The following VPS33B variants were observed in gnomAD, a reference collection of about 807,000 sequenced individuals.
VPS33B encodes vacuolar protein sorting-associated protein 33B.
A neutral mutation model predicts 95.3 loss-of-function variants in VPS33B; 80 were observed. That is an observed-to-expected ratio of 0.84 (90% CI 0.70 to 1.01). The LOEUF (loss-of-function observed/expected upper bound fraction) is 1.01. Among genes scored for constraint, VPS33B ranks in the 50% least tolerant of loss-of-function variants. The pLI is 0.00. For synonymous variants in VPS33B, 280 were observed against 280.4 expected, an observed-to-expected ratio of 1.00 and a Z score of 0.01; for missense variants, 715 against 773.4, an observed-to-expected ratio of 0.92 and a Z score of 0.90.
intron 1 of VPS33B, among the ~76,000 whole-genome samples, chr15:91,020,880 C>CA (rs1219287814): frequency 6.6e-6 from 1 of 151,930 alleles, no homozygotes; most frequent in African/African-American, 2.4e-5. Flanking sequence ...GACTGTGTCT[C>CA]AAAAAAATAA....
Position 91,006,199 on chromosome 15 carries a change from A to G in VPS33B, c.853-140T>C. The G allele has an allele frequency of 7.6e-7, 1 of 1,320,406 alleles. No homozygotes were observed. Among genetic ancestry groups the G allele is most frequent in the Non-Finnish European group, 1.1e-6 (1 of 925,484 alleles). 81.8% of individuals were successfully genotyped at this position (1,320,406 alleles called of 1,614,324 possible). On this transcript the variant is annotated intron_variant, in intron 11 of 22. Transcript: ENST00000333371. This position sits in a 1 kb window ranked among gnomAD's most constrained non-coding sequence, Gnocchi z 5.4. ...GCTGGGATCTGTAAGTCCATATCAA[A>G]TGCCTACACCGTGTTCTAGGAGATG...
chr15:91,005,987 G>T lies in VPS33B; in HGVS notation c.925C>A (p.Gln309Lys). 1.2e-6 allele frequency: 2 copies of T among 1,614,130 alleles called. No individual in the cohort carries two copies. The highest frequency in any genetic ancestry group is 1.7e-6 in the Non-Finnish European group (2 of 1,180,012). Residue 309 changes from glutamine to lysine, a missense_variant, in exon 12 of 23, where the codon CAG becomes AAG. By Grantham distance (53) the Gln-to-Lys change is moderately conservative. Transcript: ENST00000333371. This position sits in a 1 kb window ranked among gnomAD's most constrained non-coding sequence, Gnocchi z 6.4. Reference protein sequence around the residue: ...GFLSQKARNLQAQYDRRRGMD... With the variant: ...GFLSQKARNLKAQYDRRRGMD... ...TGGAGCCTCACATCATACTGGGCCT[G>T]CAAGTTCCGGGCCTTCTGGCTCAAG...
Position 90,998,934 on chromosome 15 carries a change from A to C in VPS33B, c.*41T>G. 6.2e-7 allele frequency: 1 copy of C among 1,609,156 alleles called. No homozygotes were observed. The highest frequency in any genetic ancestry group is 8.5e-7 in the Non-Finnish European group (1 of 1,176,878). Reference sequence around the variant, plus strand: ...GCCAGATGCCTGCATCTCACTGAGGAATGTGTTCAGGGAAGATGTCAACAC... The same window carrying C: ...GCCAGATGCCTGCATCTCACTGAGGCATGTGTTCAGGGAAGATGTCAACAC... On this transcript the variant is annotated 3_prime_UTR_variant, in exon 23 of 23. Coordinates refer to ENST00000333371, the MANE Select transcript of VPS33B (RefSeq NM_018668.5). This position sits in a 1 kb window ranked among gnomAD's most constrained non-coding sequence, Gnocchi z 4.8.
chr15:91,009,958 A>C lies in VPS33B; in HGVS notation c.358-112T>G. ...GACAATAATTGCCGAACCCAGTGAA[A>C]GACAAGAGAACCCAGACTCTTAAGA... On this transcript the variant is annotated intron_variant, in intron 5 of 22. Transcript: ENST00000333371. The surrounding 1 kb of genome is among the most constrained non-coding windows in gnomAD (Gnocchi z 4.1). 4.1e-6 allele frequency: 5 copies of C among 1,208,862 alleles called. No homozygotes were observed. The highest frequency in any genetic ancestry group is 2.5e-5 in the East Asian group (1 of 40,792). The allele number at this position is 1,208,862 out of a possible 1,614,324, so 74.9% of individuals were successfully genotyped here. A position where few individuals can be genotyped will look rare whatever the true frequency, so the allele number is the denominator to read the frequency against.
At position 91,013,721 on chromosome 15, in the gene VPS33B, A is replaced by C; in HGVS notation, c.357+83T>G. The C allele has an allele frequency of 1.4e-6, 2 of 1,388,376 alleles. No homozygotes were observed. The highest frequency in any genetic ancestry group is 2.0e-6 in the Non-Finnish European group (2 of 975,984). The allele number at this position is 1,388,376 out of a possible 1,614,324, so 86.0% of individuals were successfully genotyped here. A position where few individuals can be genotyped will look rare whatever the true frequency, so the allele number is the denominator to read the frequency against. ...CAACAGAAAACGAACGGAGACAGGG[A>C]GGTAGTGCTGTTGGCCCCTTACCCC... On this transcript the variant is annotated intron_variant, in intron 5 of 22. Transcript: ENST00000333371. The surrounding 1 kb of genome is among the most constrained non-coding windows in gnomAD (Gnocchi z 4.5).
At chr15:91,017,349 T>C (rs1596370277) in intron 2 of VPS33B, among the ~76,000 whole-genome samples, 2 of 75,034 alleles carry the variant, frequency 2.7e-5, no homozygotes, top group East Asian at 4.4e-4. Context: ...ATAACAAGAC[T>C]CCATCTCTAC....
At position 91,022,502 on chromosome 15, in the gene VPS33B, T is replaced by C. The variant is rs1330279868; in HGVS notation, c.-253A>G. The C allele has an allele frequency of 1.6e-5, 6 of 386,064 alleles. No individual in the cohort carries two copies. Among genetic ancestry groups the C allele is most frequent in the Admixed American group, 4.1e-5 (1 of 24,112 alleles). The allele number at this position is 386,064 out of a possible 1,614,324, so 23.9% of individuals were successfully genotyped here. A position where few individuals can be genotyped will look rare whatever the true frequency, so the allele number is the denominator to read the frequency against. ...TCTCGACCCTCCCTCCCTGATCCAC[T>C]CTGCCCGTCAGCAGGATTCCGGTCT... On this transcript the variant is annotated 5_prime_UTR_variant, in exon 1 of 23. Coordinates refer to ENST00000333371, the MANE Select transcript of VPS33B (RefSeq NM_018668.5).
Position 91,007,142 on chromosome 15 carries a change from TG to T in VPS33B, c.604-97del. On this transcript the variant is annotated intron_variant, in intron 8 of 22. Coordinates refer to ENST00000333371, the MANE Select transcript of VPS33B (RefSeq NM_018668.5). The surrounding 1 kb of genome is among the most constrained non-coding windows in gnomAD (Gnocchi z 5.3). ...GCCCTTTCCACGTGATACTTCCTCTTGTCCCCGAGACAGGAGCTAATTATTC... is the reference window on the plus strand; with the variant it reads ...GCCCTTTCCACGTGATACTTCCTCTTTCCCCGAGACAGGAGCTAATTATTC... 1 of 1,335,350 alleles carries T rather than the reference TG, an allele frequency of 7.5e-7. No individual in the cohort carries two copies. The highest frequency in any genetic ancestry group is 1.1e-6 in the Non-Finnish European group (1 of 941,016). 82.7% of individuals were successfully genotyped at this position (1,335,350 alleles called of 1,614,324 possible). A position where few individuals can be genotyped will look rare whatever the true frequency, so the allele number is the denominator to read the frequency against.
Position 91,011,206 on chromosome 15 carries a change from G to A in VPS33B, c.358-1360C>T, listed in dbSNP as rs1187253418. 6.6e-6 allele frequency among the ~76,000 whole-genome samples: 1 copy of A among 152,190 alleles called. No individual in the cohort carries two copies. Among genetic ancestry groups the A allele is most frequent in the African/African-American group, 2.4e-5 (1 of 41,438 alleles). ...AAGGGTGAATATTTTAAAGTAATGA[G>A]AAAGAATGCTGAGGGCACTCACATC... On this transcript the variant is annotated intron_variant, in intron 5 of 22. Transcript: ENST00000333371. This position sits in a 1 kb window ranked among gnomAD's most constrained non-coding sequence, Gnocchi z 5.5.
Position 91,000,500 on chromosome 15 carries a change from A to G in VPS33B, c.1571T>C (p.Ile524Thr), listed in dbSNP as rs758590786. The G allele has an allele frequency of 1.9e-6, 3 of 1,613,022 alleles. No individual in the cohort carries two copies. Among genetic ancestry groups the G allele is most frequent in the Non-Finnish European group, 1.7e-6 (2 of 1,179,410 alleles). Reference protein sequence around the residue: ...GGAYVPLSCRIIEQVLERRSW... With the variant: ...GGAYVPLSCRTIEQVLERRSW... ...ATTACATGCTCTCACCTGCTCAATG[A>G]TTCGGCAGCTCAGGGGCACATAAGC... Residue 524 changes from isoleucine (I) to threonine (T), a missense_variant, in exon 20 of 23, where the codon ATC becomes ACC. Ile to Thr is a moderately conservative substitution (Grantham distance 89). Transcript: ENST00000333371. The surrounding 1 kb of genome is among the most constrained non-coding windows in gnomAD (Gnocchi z 4.9).
rs970579191 is a variant in VPS33B, at chr15:91,018,090, C to T, written c.97-205G>A. On this transcript the variant is annotated intron_variant, in intron 1 of 22. Coordinates refer to ENST00000333371, the MANE Select transcript of VPS33B (RefSeq NM_018668.5). The surrounding 1 kb of genome is among the most constrained non-coding windows in gnomAD (Gnocchi z 4.7). ...CTATTTTGCCTTCTCGTTTTCTGTA[C>T]CAGTGGGAAGAAGACATCCCACCTT... is the stretch of plus-strand genomic sequence containing the variant. 1 of 585,530 alleles carries T rather than the reference C, an allele frequency of 1.7e-6. No individual in the cohort carries two copies. Among genetic ancestry groups the T allele is most frequent in the Non-Finnish European group, 3.1e-6 (1 of 321,500 alleles). The allele number at this position is 585,530 out of a possible 1,614,324, so 36.3% of individuals were successfully genotyped here.
intron 2 of VPS33B, 94 bp from the exon 3 acceptor site, chr15:91,017,118 A>C (rs2151683187): frequency 8.9e-7 from 1 of 1,117,580 alleles, no homozygotes; most frequent in East Asian, 2.4e-5. Context: ...GGGCTTCCTA[A>C]TTATGCTAAT....
rs774695591 is a variant in VPS33B at position 91,007,513 on chromosome 15, A to G, written c.559T>C (p.Tyr187His). Residue 187 changes from tyrosine to histidine, a missense_variant, in exon 8 of 23, where the codon TAT becomes CAT. Coordinates refer to ENST00000333371, the MANE Select transcript of VPS33B (RefSeq NM_018668.5). The surrounding 1 kb of genome is among the most constrained non-coding windows in gnomAD (Gnocchi z 5.3). ...CCATAGCAGTTTGGAAAGGGTCCAT[A>G]GAGAGTGCTGAGAAGGTGTAAGGCC... The part of the protein sequence containing the change: ...AQALHLLSTL[Y>H]GPFPNCYGIG... 6.2e-7 allele frequency: 1 copy of G among 1,614,158 alleles called. No homozygotes were observed. The highest frequency in any genetic ancestry group is 1.1e-5 in the South Asian group (1 of 91,088).
Position 91,005,041 on chromosome 15 carries a change from C to T in VPS33B, c.1170+14G>A, listed in dbSNP as rs1013453342. The T allele has an allele frequency of 2.5e-6, 4 of 1,614,138 alleles. No individual in the cohort carries two copies. In the African/African-American group the frequency reaches 5.3e-5, roughly 22 times the overall value. Reference sequence around the variant, plus strand: ...AATGCCATTCTTGGCACCCCCAGCCCTCCACCTGCGCACCTGCCGGTCTAT... The same window carrying T: ...AATGCCATTCTTGGCACCCCCAGCCTTCCACCTGCGCACCTGCCGGTCTAT... On this transcript the variant is annotated intron_variant, in intron 15 of 22. Coordinates refer to ENST00000333371, the MANE Select transcript of VPS33B (RefSeq NM_018668.5). The surrounding 1 kb of genome is among the most constrained non-coding windows in gnomAD (Gnocchi z 6.4).
rs2040793170 is a variant in VPS33B at position 91,011,960 on chromosome 15, G to A, written c.357+1844C>T. ...GTCGAGATTGCGGCACTGCACTCCAGTCTGGGTGACAGAGCAATGCACTGT... is the reference window on the plus strand; with the variant it reads ...GTCGAGATTGCGGCACTGCACTCCAATCTGGGTGACAGAGCAATGCACTGT... On this transcript the variant is annotated intron_variant, in intron 5 of 22. Coordinates refer to ENST00000333371, the MANE Select transcript of VPS33B (RefSeq NM_018668.5). This position sits in a 1 kb window ranked among gnomAD's most constrained non-coding sequence, Gnocchi z 5.5. Among the ~76,000 whole-genome samples the A allele has an allele frequency of 6.6e-6, 1 of 151,790 alleles. No individual in the cohort carries two copies. Among genetic ancestry groups the A allele is most frequent in the Non-Finnish European group, 1.5e-5 (1 of 68,016 alleles).
At chr15:91,004,761 A>G (rs1596355021) in intron 16 of VPS33B, 116 bp downstream of exon 16, 4 of 1,232,928 alleles carry the variant, frequency 3.2e-6, no homozygotes, top group Non-Finnish European at 4.7e-6. Context: ...CCATTAAATT[A>G]CAGGGAAACA....
At position 91,011,875 on chromosome 15, in the gene VPS33B, G is replaced by A. The variant is rs2151677070; in HGVS notation, c.357+1929C>T. ...ACGGTGGTGCACATCTGTAGTCCCA[G>A]CTACTCGGGAAGCTGAGGCAGGAGA... On this transcript the variant is annotated intron_variant, in intron 5 of 22. Coordinates refer to ENST00000333371, the MANE Select transcript of VPS33B (RefSeq NM_018668.5). This position sits in a 1 kb window ranked among gnomAD's most constrained non-coding sequence, Gnocchi z 5.5. Among the ~76,000 whole-genome samples the A allele has an allele frequency of 6.6e-6, 1 of 152,194 alleles. No homozygotes were observed. Among genetic ancestry groups the A allele is most frequent in the Middle Eastern group, 3.4e-3 (1 of 294 alleles).
rs1015280292 is a variant in VPS33B, at chr15:91,009,751, T to C, written c.403+50A>G. The C allele has an allele frequency of 2.5e-6, 4 of 1,608,590 alleles. No homozygotes were observed. Among genetic ancestry groups the C allele is most frequent in the Non-Finnish European group, 3.4e-6 (4 of 1,175,336 alleles). ...GGGGTTGGAGAACAACAACAGTTTTTTCTTCTGTATGTTCTCTTTCCCTTT... is the reference window on the plus strand; with the variant it reads ...GGGGTTGGAGAACAACAACAGTTTTCTCTTCTGTATGTTCTCTTTCCCTTT... On this transcript the variant is annotated intron_variant, in intron 6 of 22. Transcript: ENST00000333371. The surrounding 1 kb of genome is among the most constrained non-coding windows in gnomAD (Gnocchi z 4.1).
intron 6 of VPS33B, among the ~76,000 whole-genome samples, chr15:91,008,970 G>A (rs575050170): frequency 1.3e-5 from 2 of 152,298 alleles, no homozygotes; most frequent in South Asian, 4.2e-4. Context: ...AGCAGCACAC[G>A]ATGAGGCTAA....
Sources: allele counts gnomAD v4.1 joint callset (sites outside exome capture counted in the v4.1 genomes callset), GRCh38; gene constraint gnomAD v4.1.1; non-coding constraint Gnocchi (gnomAD v3.1); transcripts MANE v1.5; gene names NCBI Gene and HGNC (gene_info 2026-07-23, HGNC 2026-07-21).